CNTN1: variants seen among roughly 807,000 people sequenced by gnomAD.
The protein encoded by CNTN1 is contactin 1, also known as contactin-1.
In CNTN1, 38 loss-of-function variants were observed where a neutral mutation model predicts 126.4. The ratio of observed to expected loss-of-function variants is 0.30; its 90% CI spans 0.23 to 0.39. The LOEUF is 0.39. CNTN1 is among the 10% of genes least tolerant of loss of function. The pLI is 1.00. For synonymous variants in CNTN1, 413 were observed against 422.6 expected, an observed-to-expected ratio of 0.98 and a Z score of 0.28; for missense variants, 1,009 against 1,248.4, an observed-to-expected ratio of 0.81 and a Z score of 2.89.
intron 1 of CNTN1, among the ~76,000 whole-genome samples, chr12:40,715,056 A>G (rs1034588466): frequency 6.6e-6 from 1 of 152,164 alleles, no homozygotes; most frequent in Non-Finnish European, 1.5e-5. Flanking sequence ...ATCTAATACC[A>G]TGGATTAAGA....
At chr12:40,840,937 GA>G (rs67868114) in intron 1 of CNTN1, among the ~76,000 whole-genome samples, 23,517 of 150,194 alleles carry the variant, frequency 0.16, 1,825 homozygotes, top group Middle Eastern at 0.21. Flanking sequence ...ATTAGCAGAT[GA>G]AAAAAAATAA....
At chr12:40,777,881 G>T (rs772241162) in intron 1 of CNTN1, among the ~76,000 whole-genome samples, 2 of 151,662 alleles carry the variant, frequency 1.3e-5, no homozygotes, top group Non-Finnish European at 3.0e-5. Flanking sequence ...GGGTAAATAT[G>T]GAAATATGTA....
At chr12:40,702,848 C>A (rs1308238991) in intron 1 of CNTN1, among the ~76,000 whole-genome samples, 1 of 152,164 alleles carries the variant, frequency 6.6e-6, no homozygotes, top group Non-Finnish European at 1.5e-5. Context: ...TGCATAGTAA[C>A]CCTTTGCATA....
intron 1 of CNTN1, among the ~76,000 whole-genome samples, chr12:40,819,046 G>C (rs1289688481): frequency 1.3e-5 from 2 of 152,104 alleles, no homozygotes; most frequent in African/African-American, 4.8e-5. Flanking sequence ...AGCAAAGATG[G>C]GTGCCTGCTC....
At chr12:40,736,825 A>G (rs1937708588) in intron 1 of CNTN1, among the ~76,000 whole-genome samples, 1 of 152,092 alleles carries the variant, frequency 6.6e-6, no homozygotes, top group South Asian at 2.1e-4. Context: ...AAACAAACAA[A>G]CAAAGGAAAA....
intron 1 of CNTN1, among the ~76,000 whole-genome samples, chr12:40,795,174 C>T (rs1025030178): frequency 6.6e-6 from 1 of 151,826 alleles, no homozygotes; most frequent in African/African-American, 2.4e-5. Context: ...AAGTTTTGAG[C>T]CTTTCAGCCA....
At chr12:40,953,097 A>C (rs778456177) in intron 14 of CNTN1, among the ~76,000 whole-genome samples, 1 of 152,160 alleles carries the variant, frequency 6.6e-6, no homozygotes, top group Non-Finnish European at 1.5e-5. Flanking sequence ...ACATTGCAGA[A>C]ATGATTTTGC....
intron 1 of CNTN1, among the ~76,000 whole-genome samples, chr12:40,822,529 G>C (rs2136530602): frequency 6.6e-6 from 1 of 152,054 alleles, no homozygotes; most frequent in South Asian, 2.1e-4. Context: ...AAGCTTGTAG[G>C]CTCTATGTTG....
At chr12:41,054,995 A>T (rs967366805) in intron 23 of CNTN1, among the ~76,000 whole-genome samples, 1 of 152,218 alleles carries the variant, frequency 6.6e-6, no homozygotes, top group Admixed American at 6.5e-5. Context: ...AGTAGCAAAT[A>T]TTTTTGTTTT....
intron 1 of CNTN1, among the ~76,000 whole-genome samples, chr12:40,793,712 A>G (rs1452371055): frequency 6.6e-6 from 1 of 152,046 alleles, no homozygotes; most frequent in Non-Finnish European, 1.5e-5. Context: ...CCTGGAAAAT[A>G]TCTACTCTTG....
intron 1 of CNTN1, among the ~76,000 whole-genome samples, chr12:40,893,286 A>G (rs1944303198): frequency 6.6e-6 from 1 of 152,114 alleles, no homozygotes; most frequent in African/African-American, 2.4e-5. Flanking sequence ...AAATTTGGAC[A>G]TATCAAACTC....
intron 17 of CNTN1, among the ~76,000 whole-genome samples, chr12:40,993,882 T>C (rs990781922): frequency 6.6e-6 from 1 of 152,200 alleles, no homozygotes; most frequent in Non-Finnish European, 1.5e-5. Context: ...ATATCACTTC[T>C]AGATATGATC....
intron 4 of CNTN1, 37 bp from the exon 5 acceptor site, chr12:40,922,219 T>C (rs1945467021): frequency 1.3e-6 from 2 of 1,593,064 alleles, no homozygotes; most frequent in South Asian, 1.1e-5. Context: ...CTAGGTCTCA[T>C]GACCTGTGAT....
chr12:40,885,165 T>C (rs1943987471), intron 1 of CNTN1, among the ~76,000 whole-genome samples: 1 of 151,768 alleles, frequency 6.6e-6, no homozygotes, highest in Non-Finnish European at 1.5e-5. Context: ...ATTCCACCAC[T>C]TACTAGTACC....
chr12:41,070,021 T>C lies in CNTN1; in HGVS notation c.3043T>C (p.Tyr1015His). 6.2e-7 allele frequency: 1 copy of C among 1,614,038 alleles called. No individual in the cohort carries two copies. Among genetic ancestry groups the C allele is most frequent in the Middle Eastern group, 1.6e-4 (1 of 6,062 alleles). Reference sequence around the variant, plus strand: ...GCTGCCTGCCTTTGGCATCCTTGTCTACTTGGAATTCTGAATGTGTTGTGA... The same window carrying C: ...GCTGCCTGCCTTTGGCATCCTTGTCCACTTGGAATTCTGAATGTGTTGTGA... ...LLLPAFGILV[Y>H]LEF Residue 1015 changes from tyrosine (Y) to histidine (H), a missense_variant, in exon 24 of 24, where the codon TAC (tyrosine) becomes CAC (histidine). Physicochemically the swap from Tyr to His is moderately conservative, Grantham distance 83 (BLOSUM62 2). Transcript: ENST00000551295.
At chr12:40,705,985 C>G (rs73109002) in intron 1 of CNTN1, among the ~76,000 whole-genome samples, 1,780 of 152,066 alleles carry the variant, frequency 0.012, 23 homozygotes, top group African/African-American at 0.04. Flanking sequence ...CATGAGAAAT[C>G]TACCCCAGGA....
intron 1 of CNTN1, among the ~76,000 whole-genome samples, chr12:40,825,650 G>GT (rs1941591647): frequency 6.6e-6 from 1 of 152,054 alleles, no homozygotes; most frequent in Non-Finnish European, 1.5e-5. Flanking sequence ...TTACGACCTT[G>GT]TCTTTGTTTT....
chr12:40,726,834 T>C (rs1009514750), intron 1 of CNTN1, among the ~76,000 whole-genome samples: 2 of 150,138 alleles, frequency 1.3e-5, no homozygotes, highest in Non-Finnish European at 3.0e-5. Context: ...TAAAATAAGT[T>C]AGCCATCACA....
intron 1 of CNTN1, among the ~76,000 whole-genome samples, chr12:40,763,876 A>G (rs774692007): frequency 1.3e-5 from 2 of 152,202 alleles, no homozygotes; most frequent in Non-Finnish European, 2.9e-5. Context: ...GCTCTGCTCC[A>G]GATTTCAGAC....
Sources: allele counts gnomAD v4.1 joint callset (sites outside exome capture counted in the v4.1 genomes callset), GRCh38; gene constraint gnomAD v4.1.1; transcripts MANE v1.5; gene names NCBI Gene and HGNC (gene_info 2026-07-23, HGNC 2026-07-21).